The following EFHC2 variants were observed in gnomAD, a reference collection of about 807,000 sequenced individuals.
EFHC2 encodes EF-hand domain containing 2, also known as EF-hand domain-containing family member C2.
Under a neutral mutation model 52.7 loss-of-function variants are expected in EFHC2, and 18 were observed. The ratio of observed to expected loss-of-function variants is 0.34; its 90% CI spans 0.24 to 0.51. EFHC2 has a LOEUF of 0.51. Ranked by LOEUF, EFHC2 falls within the 20% of genes least tolerant of loss-of-function variation. The pLI, the probability that EFHC2 is intolerant of heterozygous loss-of-function variation, is 0.97. For missense variants in EFHC2, 513 were observed against 562.5 expected, an observed-to-expected ratio of 0.91 and a Z score of 0.89; for synonymous variants, 203 against 204.1, an observed-to-expected ratio of 0.99 and a Z score of 0.04.
At position 44,310,154 on chromosome X, in the gene EFHC2, G is replaced by C; in HGVS notation, c.231+2414C>G. 5 of 684,460 alleles carry C rather than the reference G, an allele frequency of 7.3e-6. No homozygotes were observed. The South Asian group carries it at 1.1e-4, about 15-fold the overall frequency. The allele number at this position is 684,460 out of a possible 1,213,427, so 56.4% of individuals were successfully genotyped here. On this transcript the variant is annotated intron_variant, in intron 2 of 14. Coordinates refer to ENST00000420999, the MANE Select transcript of EFHC2 (RefSeq NM_025184.4). ...CCCAGTGCCGAATGTCCTTGGACAGGTCCACCTCCTCGGTGGTCCAGAAGG... is the reference window on the plus strand; with the variant it reads ...CCCAGTGCCGAATGTCCTTGGACAGCTCCACCTCCTCGGTGGTCCAGAAGG...
chrX:44,170,590 CATT>C (rs1188164993), intron 13 of EFHC2, among the ~76,000 whole-genome samples: 44 of 110,648 alleles, frequency 4.0e-4, no homozygotes, highest in African/African-American at 1.3e-3. Flanking sequence ...CTAGAAGCAT[CATT>C]TACCAAATCC....
At chrX:44,314,213 GCT>G (rs757502599) in intron 1 of EFHC2, among the ~76,000 whole-genome samples, 26 of 112,097 alleles carry the variant, frequency 2.3e-4, no homozygotes, top group African/African-American at 7.8e-4. Flanking sequence ...GATAACTGAA[GCT>G]TTATCTCAGA....
In EFHC2 at chrX:44,339,191, C is replaced by CAAAAAAA. The variant is rs58180100; in HGVS notation, c.42+4349_42+4355dup. On this transcript the variant is annotated intron_variant, in intron 1 of 14. Coordinates refer to ENST00000420999, the MANE Select transcript of EFHC2 (RefSeq NM_025184.4). ...GGGTGACAGAGCGAGACTCCATCTC[C>CAAAAAAA]AAAAAAAAAAAGCAGAAAGAGTGAG... Among the ~76,000 whole-genome samples the CAAAAAAA allele has an allele frequency of 9.4e-3, 851 of 90,258 alleles. 18 individuals carry two copies. The highest frequency in any genetic ancestry group is 0.025 in the African/African-American group (576 of 22,685). 78.4% of individuals were successfully genotyped at this position (90,258 alleles called of 115,157 possible).
At chrX:44,293,786 C>A (rs1329874703) in intron 2 of EFHC2, among the ~76,000 whole-genome samples, 5 of 112,056 alleles carry the variant, frequency 4.5e-5, no homozygotes, top group Admixed American at 3.8e-4. Context: ...TTCACAGTTA[C>A]ACTGCTGTCC....
chrX:44,165,339 T>C (rs2036688482), intron 13 of EFHC2, among the ~76,000 whole-genome samples: 1 of 111,691 alleles, frequency 9.0e-6, no homozygotes, highest in Non-Finnish European at 1.9e-5. Flanking sequence ...AATTCTGTAA[T>C]TCTTTTGTGT....
chrX:44,246,071 A>T (rs1370125192), intron 7 of EFHC2, among the ~76,000 whole-genome samples: 2 of 112,190 alleles, frequency 1.8e-5, no homozygotes, highest in East Asian at 5.6e-4. Context: ...GATTGATGGG[A>T]CTTTGTCCTG....
chrX:44,155,578 T>G (rs1329487398), intron 14 of EFHC2, among the ~76,000 whole-genome samples: 1 of 112,360 alleles, frequency 8.9e-6, no homozygotes, highest in Non-Finnish European at 1.9e-5. Flanking sequence ...AAGGTTATTT[T>G]TATTCCTCCC....
intron 2 of EFHC2, among the ~76,000 whole-genome samples, chrX:44,307,777 T>TA (rs1308356841): frequency 2.2e-4 from 24 of 110,237 alleles, no homozygotes; most frequent in Admixed American, 7.8e-4. Flanking sequence ...CCACTAAAAA[T>TA]AAAAAAATTA....
intron 1 of EFHC2, among the ~76,000 whole-genome samples, chrX:44,338,645 C>T (rs141280558): frequency 2.3e-3 from 249 of 108,540 alleles, no homozygotes; most frequent in African/African-American, 7.9e-3. Context: ...CAAAAAGGTC[C>T]GTGCAACACT....
At chrX:44,172,381 A>G (rs2036752447) in intron 13 of EFHC2, among the ~76,000 whole-genome samples, 1 of 112,331 alleles carries the variant, frequency 8.9e-6, no homozygotes, top group Non-Finnish European at 1.9e-5. Context: ...TTTTTTGCTT[A>G]TTATTACAGA....
At chrX:44,232,279 G>C (rs1185913057) in intron 10 of EFHC2, among the ~76,000 whole-genome samples, 1 of 112,331 alleles carries the variant, frequency 8.9e-6, no homozygotes, top group African/African-American at 3.2e-5. Context: ...AGAGAACCCA[G>C]CATGTAAACA....
chrX:44,150,669 G>A (rs991169671), intron 14 of EFHC2, among the ~76,000 whole-genome samples: 10 of 111,701 alleles, frequency 9.0e-5, no homozygotes, highest in African/African-American at 3.3e-4. Flanking sequence ...CATAACCAGG[G>A]TGGCTGAAGC....
At chrX:44,304,518 C>A (rs1277257997) in intron 2 of EFHC2, among the ~76,000 whole-genome samples, 2 of 111,641 alleles carry the variant, frequency 1.8e-5, no homozygotes, top group African/African-American at 6.5e-5. Context: ...TCTATATTTG[C>A]TTCCTACTCA....
At chrX:44,180,977 C>T (rs1311124991) in intron 11 of EFHC2, among the ~76,000 whole-genome samples, 3 of 107,486 alleles carry the variant, frequency 2.8e-5, no homozygotes, top group Non-Finnish European at 5.8e-5. Flanking sequence ...ACCTATAATC[C>T]CAGCTACTTG....
intron 4 of EFHC2, among the ~76,000 whole-genome samples, chrX:44,258,604 G>C (rs1289454491): frequency 9.0e-6 from 1 of 110,891 alleles, no homozygotes; most frequent in African/African-American, 3.3e-5. Flanking sequence ...TTAGAATGGC[G>C]ATCACTGGGA....
chrX:44,279,163 G>A (rs2037683080), intron 2 of EFHC2, among the ~76,000 whole-genome samples: 1 of 111,574 alleles, frequency 9.0e-6, no homozygotes, highest in Non-Finnish European at 1.9e-5. Flanking sequence ...CCAACATGGT[G>A]AAACCCCGTC....
chrX:44,289,784 C>T (rs193024873), intron 2 of EFHC2, among the ~76,000 whole-genome samples: 7 of 104,039 alleles, frequency 6.7e-5, no homozygotes, highest in African/African-American at 1.1e-4. Flanking sequence ...CAGGTTCAAG[C>T]GATTCTCCTG....
rs141103990 is a variant in EFHC2 at position 44,228,942 on chromosome X, C to A, written c.1751+707G>T. 6.3e-5 allele frequency among the ~76,000 whole-genome samples: 7 copies of A among 111,959 alleles called. No individual in the cohort carries two copies. In the East Asian group the frequency reaches 2.0e-3, roughly 32 times the overall value. On this transcript the variant is annotated intron_variant, in intron 11 of 14. Coordinates refer to ENST00000420999, the MANE Select transcript of EFHC2 (RefSeq NM_025184.4). ...ATGATTTAATTTATTCTCCTAAATG[C>A]TCCATTCACTTTGTTTTCAGCCTAA... is the stretch of plus-strand genomic sequence containing the variant.
At chrX:44,198,026 A>G (rs1408162819) in intron 11 of EFHC2, among the ~76,000 whole-genome samples, 1 of 112,408 alleles carries the variant, frequency 8.9e-6, no homozygotes, top group Non-Finnish European at 1.9e-5. Flanking sequence ...GCTTTTATTC[A>G]TAGAAGCTTC....
Sources: allele counts gnomAD v4.1 joint callset (sites outside exome capture counted in the v4.1 genomes callset), GRCh38; gene constraint gnomAD v4.1.1; transcripts MANE v1.5; gene names NCBI Gene and HGNC (gene_info 2026-07-23, HGNC 2026-07-21).